The following TUBGCP6 variants were observed in gnomAD, a reference collection of about 807,000 sequenced individuals.
The protein encoded by TUBGCP6 is gamma-tubulin complex component 6.
In TUBGCP6, 161 loss-of-function variants were observed where a neutral mutation model predicts 175.8. That is an observed-to-expected ratio of 0.92 (90% CI 0.81 to 1.04). The LOEUF (loss-of-function observed/expected upper bound fraction) is 1.04, where lower values mean the gene tolerates loss of function less well. TUBGCP6 is among the 50% of genes least tolerant of loss of function. The pLI, the probability that TUBGCP6 is intolerant of heterozygous loss-of-function variation, is 0.00. For synonymous variants in TUBGCP6, 1,173 were observed against 1,030.5 expected, an observed-to-expected ratio of 1.14 and a Z score of -2.65; for missense variants, 2,572 against 2,433.0, an observed-to-expected ratio of 1.06 and a Z score of -1.20.
At chr22:50,219,887 C>A in intron 17 of TUBGCP6, 70 bp downstream of exon 17, 3 of 1,604,614 alleles carry the variant, frequency 1.9e-6, no homozygotes, top group Non-Finnish European at 1.7e-6. Flanking sequence ...TGGGACCCAC[C>A]CGCGTGACAA....
chr22:50,220,625 A>G lies in TUBGCP6; in HGVS notation c.3734T>C (p.Val1245Ala). Reference protein sequence around the residue: ...IRSRCNTHGHVSDASISLGEP... With the variant: ...IRSRCNTHGHASDASISLGEP... Reference sequence around the variant, plus strand: ...CCCCAAGCTGATGCTGGCGTCGGACACGTGTCCATGGGTGTTGCACCGTGA... The same window carrying G: ...CCCCAAGCTGATGCTGGCGTCGGACGCGTGTCCATGGGTGTTGCACCGTGA... The change falls in exon 16 of 25, where the codon GTG (valine) becomes GCG (alanine). Residue 1245 changes from valine (V) to alanine (A), a missense_variant. Transcript: ENST00000248846. 6.2e-7 allele frequency: 1 copy of G among 1,612,110 alleles called. No homozygotes were observed. Among genetic ancestry groups the G allele is most frequent in the African/African-American group, 1.3e-5 (1 of 74,714 alleles).
rs2064775804 is a variant in TUBGCP6 at position 50,236,119 on chromosome 22, G to T, written c.906-2593C>A. Among the ~76,000 whole-genome samples, 3 of 151,914 alleles carry T rather than the reference G, an allele frequency of 2.0e-5. No homozygotes were observed. The South Asian group carries it at 6.2e-4, about 32-fold the overall frequency. ...CCACCTCAGAAAAACCGTAAGAGAT[G>T]GATACAGAAAAAAAAATTCACAATT... On this transcript the variant is annotated intron_variant, in intron 2 of 24. Transcript: ENST00000248846.
chr22:50,239,467 G>A (rs879343653), intron 2 of TUBGCP6, among the ~76,000 whole-genome samples: 11 of 152,178 alleles, frequency 7.2e-5, no homozygotes, highest in Admixed American at 3.3e-4. Context: ...GTGAGCCACC[G>A]CGCCCAGGCG....
chr22:50,240,628 C>T (rs1405266728), intron 1 of TUBGCP6, among the ~76,000 whole-genome samples: 1 of 152,160 alleles, frequency 6.6e-6, no homozygotes, highest in Non-Finnish European at 1.5e-5. Context: ...TTTTGAGATG[C>T]CTCAGACCTG....
intron 14 of TUBGCP6, 86 bp downstream of exon 14, chr22:50,222,368 A>G: frequency 6.4e-6 from 10 of 1,565,932 alleles, no homozygotes; most frequent in Non-Finnish European, 8.7e-6. Context: ...CTCCTAGAAG[A>G]GCATGTAGGT....
intron 13 of TUBGCP6, 134 bp from the exon 14 acceptor site, chr22:50,222,726 G>C: frequency 7.7e-7 from 1 of 1,302,086 alleles, no homozygotes; most frequent in African/African-American, 1.5e-5. Flanking sequence ...CCTACCAGGG[G>C]CTGATAGCTC....
In TUBGCP6 at chr22:50,219,959, G is replaced by A. The variant is rs761470387; in HGVS notation, c.4165C>T (p.Gln1389Ter). The stretch of plus-strand genomic sequence containing the variant: ...CCCCCAGGCTGCATCCACCTAACCT[G>A]TGAGTTGAGAGGCCAATTTGGAGAG... ...DLSPNWPLNSQEDTAAQSSPG... is the reference protein window; with the variant it reads ...DLSPNWPLNS The change falls in exon 17 of 25, where the codon CAG becomes TAG. Residue 1389 changes from glutamine to a stop codon, truncating the protein, a stop_gained and splice_region_variant. Transcript: ENST00000248846. LOFTEE classifies it high-confidence loss of function. The A allele has an allele frequency of 5.2e-5, 84 of 1,613,874 alleles. No individual in the cohort carries two copies. The highest frequency in any genetic ancestry group is 2.5e-6 in the Non-Finnish European group (3 of 1,179,908).
chr22:50,233,889 G>C (rs1038354465), intron 2 of TUBGCP6, among the ~76,000 whole-genome samples: 1 of 152,032 alleles, frequency 6.6e-6, no homozygotes, highest in African/African-American at 2.4e-5. Context: ...TCTTCTGTTA[G>C]AAACAAAACA....
At chr22:50,242,599 A>G (rs559544340) in intron 1 of TUBGCP6, among the ~76,000 whole-genome samples, 5 of 152,378 alleles carry the variant, frequency 3.3e-5, no homozygotes, top group African/African-American at 4.8e-5. Context: ...ACTAGTAACA[A>G]TGTATCCTTT....
At chr22:50,229,893 C>T (rs189161921) in intron 3 of TUBGCP6, among the ~76,000 whole-genome samples, 7 of 152,272 alleles carry the variant, frequency 4.6e-5, no homozygotes, top group Middle Eastern at 3.4e-3. Flanking sequence ...ACATGACGGC[C>T]GTGAGACCCG....
At chr22:50,241,948 C>T (rs2064844198) in intron 1 of TUBGCP6, among the ~76,000 whole-genome samples, 1 of 137,260 alleles carries the variant, frequency 7.3e-6, no homozygotes, top group South Asian at 2.4e-4. Context: ...AACCCACAGA[C>T]CCTGTAGGGC....
At chr22:50,221,933 G>A (rs531280374) in intron 15 of TUBGCP6, 59 bp from the exon 16 acceptor site, 249 of 1,569,074 alleles carry the variant, frequency 1.6e-4, no homozygotes, top group Middle Eastern at 1.4e-3. Context: ...CCCTCGAACT[G>A]TCCCCCAAGT....
At position 50,244,696 on chromosome 22, in the gene TUBGCP6, C is replaced by G. The variant is rs1008479717; in HGVS notation, c.-237G>C. The G allele has an allele frequency of 1.7e-6, 1 of 572,566 alleles. No homozygotes were observed. The highest frequency in any genetic ancestry group is 3.0e-6 in the Non-Finnish European group (1 of 336,898). The allele number at this position is 572,566 out of a possible 1,614,324, so 35.5% of individuals were successfully genotyped here. On this transcript the variant is annotated 5_prime_UTR_variant, in exon 1 of 25. Coordinates refer to ENST00000248846, the MANE Select transcript of TUBGCP6 (RefSeq NM_020461.4). ...ACGCTGCCCGGCGCCCGGCAGCCCA[C>G]CAGAAGCCAGCTCGGCGTTTCTTCT... is the stretch of plus-strand genomic sequence containing the variant.
chr22:50,233,399 C>G lies in TUBGCP6; in HGVS notation c.1033G>C (p.Val345Leu), dbSNP rs751022706. 1.9e-6 allele frequency: 3 copies of G among 1,613,996 alleles called. No homozygotes were observed. The highest frequency in any genetic ancestry group is 1.7e-5 in the Admixed American group (1 of 60,024). Residue 345 changes from valine to leucine, a missense_variant, in exon 3 of 25, where the codon GTG becomes CTG. Transcript: ENST00000248846. ...ACCAGCTCGCACTCCTTCACCAGCA[C>G]GGGCTGCGGGGCCTGTAGGACGCCC... is the stretch of plus-strand genomic sequence containing the variant. ...AGGVLQAPQP[V>L]LVKECELVKD...
Position 50,221,679 on chromosome 22 carries a change from G to C in TUBGCP6, c.2680C>G (p.Leu894Val), listed in dbSNP as rs2147180503. Residue 894 changes from leucine (L) to valine (V), a missense_variant, in exon 16 of 25, where the codon CTC becomes GTC. Leu to Val is a conservative substitution (Grantham distance 32). Coordinates refer to ENST00000248846, the MANE Select transcript of TUBGCP6 (RefSeq NM_020461.4). ...ACAGGTAGGAAGTCTCCAATGCTGAGGCTGTCAGAGAAGGGTCTGGCCCCC... is the reference window on the plus strand; with the variant it reads ...ACAGGTAGGAAGTCTCCAATGCTGACGCTGTCAGAGAAGGGTCTGGCCCCC... Reference protein sequence around the residue: ...AEGARPFSDSLSIGDFLPVGP... With the variant: ...AEGARPFSDSVSIGDFLPVGP... The C allele has an allele frequency of 4.6e-6, 7 of 1,517,704 alleles. No individual in the cohort carries two copies. Among genetic ancestry groups the C allele is most frequent in the Non-Finnish European group, 6.2e-6 (7 of 1,134,226 alleles). The allele number at this position is 1,517,704 out of a possible 1,614,324, so 94.0% of individuals were successfully genotyped here. A position where few individuals can be genotyped will look rare whatever the true frequency, so the allele number is the denominator to read the frequency against.
In TUBGCP6 at chr22:50,233,379, C is replaced by T. The variant is rs753793813; in HGVS notation, c.1053G>A (p.Glu351=). 2 of 1,613,944 alleles carry T rather than the reference C, an allele frequency of 1.2e-6. No homozygotes were observed. The highest frequency in any genetic ancestry group is 1.7e-6 in the Non-Finnish European group (2 of 1,179,984). The change falls in exon 3 of 25, where the codon GAG becomes GAA. Residue 351 remains glutamate, a synonymous_variant. Coordinates refer to ENST00000248846, the MANE Select transcript of TUBGCP6 (RefSeq NM_020461.4). ...APQPVLVKEC[E]LVKDVLNVLI... is the part of the protein sequence containing the mutation. Reference sequence around the variant, plus strand: ...AGACGTTCAGCACGTCTTTCACCAGCTCGCACTCCTTCACCAGCACGGGCT... The same window carrying T: ...AGACGTTCAGCACGTCTTTCACCAGTTCGCACTCCTTCACCAGCACGGGCT...
chr22:50,235,659 AG>A (rs1381706189), intron 2 of TUBGCP6, among the ~76,000 whole-genome samples: 45 of 152,206 alleles, frequency 3.0e-4, no homozygotes, highest in Admixed American at 2.4e-3. Flanking sequence ...CAGAAAGTGG[AG>A]GCCAGGTGCG....
At chr22:50,219,910 G>A (rs199565302) in intron 17 of TUBGCP6, 47 bp downstream of exon 17, 6 of 1,611,990 alleles carry the variant, frequency 3.7e-6, no homozygotes, top group Non-Finnish European at 5.1e-6. Flanking sequence ...TAGAGGGACA[G>A]AGCCCTCCCT....
rs368017504 is a variant in TUBGCP6 at position 50,219,144 on chromosome 22, T to C, written c.4550A>G (p.Tyr1517Cys). ...FFVELHLEAHYEALRHFLLME... is the reference protein window; with the variant it reads ...FFVELHLEAHCEALRHFLLME... ...CAGCAGGAAGTGCCGCAGTGCCTCA[T>C]AGTGCGCCTCCAGGTGCAGCTCCAC... is the stretch of plus-strand genomic sequence containing the variant. Residue 1517 changes from tyrosine (Y) to cysteine (C), a missense_variant, in exon 20 of 25, where the codon TAT becomes TGT. Tyr to Cys is a radical substitution (Grantham distance 194). Transcript: ENST00000248846. 18 of 1,613,100 alleles carry C rather than the reference T, an allele frequency of 1.1e-5. No homozygotes were observed. Among genetic ancestry groups the C allele is most frequent in the Non-Finnish European group, 1.5e-5 (18 of 1,179,988 alleles).
Sources: allele counts gnomAD v4.1 joint callset (sites outside exome capture counted in the v4.1 genomes callset), GRCh38; gene constraint gnomAD v4.1.1; transcripts MANE v1.5; gene names NCBI Gene and HGNC (gene_info 2026-07-23, HGNC 2026-07-21).